The following HSF2BP variants were observed in gnomAD, a reference collection of about 807,000 sequenced individuals.
HSF2BP encodes heat shock factor 2-binding protein.
In HSF2BP, 35 loss-of-function variants were observed where a neutral mutation model predicts 35.0. That is an observed-to-expected ratio of 1.00 (90% CI 0.76 to 1.32). HSF2BP has a LOEUF of 1.32. HSF2BP is among the 40% of genes most tolerant of loss of function. The pLI, the probability that HSF2BP is intolerant of heterozygous loss-of-function variation, is 0.00. For missense variants in HSF2BP, 326 were observed against 321.7 expected (o/e 1.01, Z -0.10); for synonymous variants, 114 against 117.4 (o/e 0.97, Z 0.18).
chr21:43,467,843 A>G, the HSF2BP span, among the ~76,000 whole-genome samples: 1 of 123,858 alleles, frequency 8.1e-6, no homozygotes, highest in Non-Finnish European at 1.7e-5. Context: ...ACCACACACC[A>G]CATACACACC....
chr21:43,576,156 T>TATTCAAC (rs2081641729), intron 8 of HSF2BP, among the ~76,000 whole-genome samples: 1 of 150,794 alleles, frequency 6.6e-6, no homozygotes, highest in African/African-American at 2.4e-5. Context: ...CAAATTCTCA[T>TATTCAAC]ATTCAACAGT....
At chr21:43,611,125 G>A (rs1019320551) in intron 7 of HSF2BP, among the ~76,000 whole-genome samples, 4 of 152,008 alleles carry the variant, frequency 2.6e-5, no homozygotes, top group African/African-American at 2.4e-5. Context: ...ATGCACTGAC[G>A]GTCCCAGCTG....
chr21:43,633,170 G>A (rs1020024482), intron 5 of HSF2BP, 102 bp downstream of exon 5: 15 of 1,256,350 alleles, frequency 1.2e-5, no homozygotes, highest in African/African-American at 3.1e-5. Flanking sequence ...AAAGAAAATG[G>A]AAAGATATGG....
chr21:43,626,710 G>A (rs9976441), intron 6 of HSF2BP, among the ~76,000 whole-genome samples: 92,812 of 151,970 alleles, frequency 0.61, 28,641 homozygotes, highest in East Asian at 0.79. Context: ...AGTGGCCACC[G>A]TCAAGCTCTG....
chr21:43,634,054 A>C (rs757773050), intron 4 of HSF2BP, among the ~76,000 whole-genome samples: 1 of 152,264 alleles, frequency 6.6e-6, no homozygotes, highest in Non-Finnish European at 1.5e-5. Flanking sequence ...CAGGTAGGAA[A>C]GATGGGAGGA....
At chr21:43,578,447 C>T (rs771761629) in intron 8 of HSF2BP, among the ~76,000 whole-genome samples, 15 of 151,878 alleles carry the variant, frequency 9.9e-5, no homozygotes, top group East Asian at 5.8e-4. Flanking sequence ...GGATGGAGCC[C>T]GGAATAAAGT....
intron 5 of HSF2BP, among the ~76,000 whole-genome samples, chr21:43,631,858 T>G (rs1223163597): frequency 1.3e-5 from 2 of 152,054 alleles, no homozygotes; most frequent in Admixed American, 6.6e-5. Flanking sequence ...CCTGCACGCA[T>G]GCATACATGT....
At chr21:43,634,288 C>T (rs1003398568) in intron 4 of HSF2BP, among the ~76,000 whole-genome samples, 4 of 152,180 alleles carry the variant, frequency 2.6e-5, no homozygotes, top group Admixed American at 6.5e-5. Context: ...AAGCACACTT[C>T]GAGGATTCAC....
At chr21:43,466,540 C>CG in the HSF2BP span, among the ~76,000 whole-genome samples, 1 of 20,930 alleles carries the variant, frequency 4.8e-5, no homozygotes, top group African/African-American at 5.2e-4. Flanking sequence ...GGCACCCCCC[C>CG]CCCTCCGACC....
the HSF2BP span, among the ~76,000 whole-genome samples, chr21:43,467,816 ACACACACAC>A: frequency 1.1e-3 from 107 of 93,726 alleles, 2 homozygotes; most frequent in East Asian, 7.0e-3. Flanking sequence ...AGCACACCAC[ACACACACAC>A]CACACACACC....
Position 43,626,867 on chromosome 21 carries a change from ATT to A in HSF2BP, c.574+3453_574+3454del, listed in dbSNP as rs72562311. On this transcript the variant is annotated intron_variant, in intron 6 of 8. Transcript: ENST00000291560. ...ATTCCACCTCTTTCTATACCAAGAA[ATT>A]TTTTTTTTTTTTTTAAGAGACGGAG... is the stretch of plus-strand genomic sequence containing the variant. Among the ~76,000 whole-genome samples the A allele has an allele frequency of 7.5e-3, 1,108 of 146,758 alleles. 22 individuals carry two copies. The highest frequency in any genetic ancestry group is 0.043 in the Admixed American group (634 of 14,854).
chr21:43,634,376 A>T (rs1275692955), intron 4 of HSF2BP, among the ~76,000 whole-genome samples: 1 of 152,210 alleles, frequency 6.6e-6, no homozygotes, highest in Non-Finnish European at 1.5e-5. Flanking sequence ...AATTCCCTTA[A>T]AAGGTGATAG....
intron 3 of HSF2BP, among the ~76,000 whole-genome samples, chr21:43,650,405 C>T (rs1169808581): frequency 1.3e-5 from 2 of 152,076 alleles, no homozygotes; most frequent in African/African-American, 4.8e-5. Context: ...CAGGGTTTCG[C>T]CATGTTAGCC....
intron 7 of HSF2BP, among the ~76,000 whole-genome samples, chr21:43,613,487 C>T (rs79361933): frequency 0.041 from 6,239 of 152,228 alleles, 441 homozygotes; most frequent in African/African-American, 0.14. Flanking sequence ...GTTTTAGCCA[C>T]CAAGTTGGTG....
At chr21:43,603,158 C>A (rs766838258) in intron 7 of HSF2BP, among the ~76,000 whole-genome samples, 13 of 152,156 alleles carry the variant, frequency 8.5e-5, no homozygotes, top group Non-Finnish European at 1.9e-4. Context: ...TACCAAGTAT[C>A]AAGGAGGATG....
the HSF2BP span, chr21:43,467,442 G>T: frequency 3.3e-5 from 3 of 91,822 alleles, no homozygotes; most frequent in African/African-American, 4.7e-5. Flanking sequence ...CCTGACCTCA[G>T]GATGACCTGC....
intron 6 of HSF2BP, among the ~76,000 whole-genome samples, chr21:43,614,788 T>C (rs914882400): frequency 2.6e-5 from 4 of 152,190 alleles, no homozygotes; most frequent in African/African-American, 9.7e-5. Flanking sequence ...TATTCCAAAA[T>C]CCAAAACACT....
intron 7 of HSF2BP, among the ~76,000 whole-genome samples, chr21:43,592,780 A>G (rs2081942507): frequency 6.6e-6 from 1 of 152,228 alleles, no homozygotes; most frequent in Non-Finnish European, 1.5e-5. Context: ...ACAGGACTAC[A>G]TAATCACAGT....
chr21:43,641,050 TAA>T (rs1474868408), intron 4 of HSF2BP, among the ~76,000 whole-genome samples: 2 of 152,242 alleles, frequency 1.3e-5, no homozygotes, highest in African/African-American at 4.8e-5. Flanking sequence ...ATTTTTCTTT[TAA>T]AAGTTTCTTG....
Sources: allele counts gnomAD v4.1 joint callset (sites outside exome capture counted in the v4.1 genomes callset), GRCh38; gene constraint gnomAD v4.1.1; transcripts MANE v1.5; gene names NCBI Gene and HGNC (gene_info 2026-07-23, HGNC 2026-07-21).